The following ZNF469 variants were observed in gnomAD, a reference collection of about 807,000 sequenced individuals.
ZNF469 encodes zinc finger protein 469.
A neutral mutation model predicts 1.0 loss-of-function variants in ZNF469; 1 was observed. That is an observed-to-expected ratio of 1.00 (90% CI 0.35 to 4.73). The LOEUF (loss-of-function observed/expected upper bound fraction) is 4.73. Among genes scored for constraint, ZNF469 ranks in the 30% most tolerant of loss-of-function variants. The pLI is 0.16. For synonymous variants in ZNF469, 2,703 were observed against 2,363.4 expected, an observed-to-expected ratio of 1.14 and a Z score of -4.17; for missense variants, 6,100 against 5,356.3, an observed-to-expected ratio of 1.14 and a Z score of -4.33.
At chr16:88,200,885 GC>G in the ZNF469 span, among the ~76,000 whole-genome samples, 1 of 152,214 alleles carries the variant, frequency 6.6e-6, no homozygotes, top group African/African-American at 2.4e-5. Flanking sequence ...TCCTCCGGCC[GC>G]CCCCGGCTGC....
the ZNF469 span, among the ~76,000 whole-genome samples, chr16:88,133,935 A>C: frequency 6.6e-6 from 1 of 152,170 alleles, no homozygotes; most frequent in Non-Finnish European, 1.5e-5. Flanking sequence ...CTCTACTAAA[A>C]ATACAAAAAA....
Position 88,434,531 on chromosome 16 carries a change from C to T in ZNF469, c.7061C>T (p.Thr2354Met), listed in dbSNP as rs746820435. The T allele has an allele frequency of 1.7e-5, 26 of 1,550,346 alleles. No homozygotes were observed. Among genetic ancestry groups the T allele is most frequent in the Middle Eastern group, 1.7e-4 (1 of 5,992 alleles). The change falls in exon 3 of 3, where the codon ACG becomes ATG. Residue 2354 changes from threonine to methionine, a missense_variant. Physicochemically the swap from Thr to Met is moderately conservative, Grantham distance 81. Coordinates refer to ENST00000565624, the MANE Select transcript of ZNF469 (RefSeq NM_001367624.2). Reference protein sequence around the residue: ...AVTAVPTEPPTLQGAGPDSPA... With the variant: ...AVTAVPTEPPMLQGAGPDSPA... The stretch of plus-strand genomic sequence containing the variant: ...ACAGCTGTGCCCACTGAGCCTCCCA[C>T]GCTACAGGGTGCAGGGCCGGACTCC...
the ZNF469 span, among the ~76,000 whole-genome samples, chr16:88,188,228 AC>A: frequency 2.0e-5 from 3 of 151,626 alleles, no homozygotes; most frequent in African/African-American, 7.3e-5. Context: ...CTCCTGTGAC[AC>A]CCCAACACCT....
chr16:88,386,819 G>C (rs146279751), intron 1 of ZNF469, among the ~76,000 whole-genome samples: 45 of 152,300 alleles, frequency 3.0e-4, no homozygotes, highest in African/African-American at 9.9e-4. Flanking sequence ...GAAGGCAGTG[G>C]GTGGTTCCGT....
At chr16:88,365,176 A>G in the ZNF469 span, among the ~76,000 whole-genome samples, 3 of 152,252 alleles carry the variant, frequency 2.0e-5, no homozygotes, top group Non-Finnish European at 4.4e-5. Flanking sequence ...AATCTCGAGC[A>G]GACCTCCAGG....
Position 88,436,016 on chromosome 16 carries a change from C to A in ZNF469, c.8546C>A (p.Pro2849His), listed in dbSNP as rs1906545810. ...GCCTCTGGCTCCAGTGCCAAGGATC[C>A]TCCAAGCTTGTTTGATGATGAGGTC... ...PDASGSSAKD[P>H]PSLFDDEVSF... is the part of the protein sequence containing the mutation. Residue 2849 changes from proline to histidine, a missense_variant, in exon 3 of 3, where the codon CCT becomes CAT. Transcript: ENST00000565624. 4 of 1,550,292 alleles carry A rather than the reference C, an allele frequency of 2.6e-6. No individual in the cohort carries two copies. The highest frequency in any genetic ancestry group is 2.6e-6 in the Non-Finnish European group (3 of 1,146,988).
chr16:88,431,283 C>T lies in ZNF469; in HGVS notation c.3813C>T (p.Ser1271=), dbSNP rs1200177499. 8 of 1,550,186 alleles carry T rather than the reference C, an allele frequency of 5.2e-6. No individual in the cohort carries two copies. In the South Asian group the frequency reaches 8.3e-5, roughly 16 times the overall value. Residue 1271 remains serine (S), a synonymous_variant, in exon 3 of 3, where the codon AGC becomes AGT. Coordinates refer to ENST00000565624, the MANE Select transcript of ZNF469 (RefSeq NM_001367624.2). ...TGATACCAGAGCAGCCGCCGCCCAG[C>T]AGACATGACACCGGCACCCCCAAGC... ...GLLIPEQPPP[S]RHDTGTPKPS... is the part of the protein sequence containing the mutation.
chr16:88,161,119 C>T, the ZNF469 span, among the ~76,000 whole-genome samples: 1 of 151,624 alleles, frequency 6.6e-6, no homozygotes, highest in Admixed American at 6.6e-5. Flanking sequence ...CGAGATCGCG[C>T]CATTGCACTC....
the ZNF469 span, among the ~76,000 whole-genome samples, chr16:88,212,195 G>C: frequency 6.6e-6 from 1 of 151,898 alleles, no homozygotes; most frequent in East Asian, 1.9e-4. Context: ...ATGTCTAATA[G>C]TCTCACTGAG....
chr16:88,338,925 C>A, the ZNF469 span, among the ~76,000 whole-genome samples: 2 of 152,084 alleles, frequency 1.3e-5, no homozygotes, highest in African/African-American at 4.8e-5. Context: ...ATGGAGAGAA[C>A]ATTTGTCTCT....
intron 1 of ZNF469, among the ~76,000 whole-genome samples, chr16:88,423,089 G>C (rs1282315662): frequency 1.5e-5 from 2 of 135,098 alleles, no homozygotes; most frequent in Admixed American, 1.5e-4. Context: ...GATGGATGAT[G>C]ATGATGATGG....
the ZNF469 span, among the ~76,000 whole-genome samples, chr16:88,283,744 G>A: frequency 7.2e-5 from 11 of 152,312 alleles, no homozygotes; most frequent in African/African-American, 1.2e-4. Context: ...CTGTGAACGC[G>A]GAGGCTGGTA....
chr16:88,346,099 T>C, the ZNF469 span, among the ~76,000 whole-genome samples: 3 of 152,194 alleles, frequency 2.0e-5, no homozygotes, highest in African/African-American at 7.2e-5. Context: ...GCCGAGAGCA[T>C]TACAAAAGAA....
Position 88,439,275 on chromosome 16 carries a change from C to T in ZNF469, c.11805C>T (p.Leu3935=), listed in dbSNP as rs1336323928. Residue 3935 remains leucine (L), a synonymous_variant, in exon 3 of 3, where the codon CTC becomes CTT. Transcript: ENST00000565624. ...CCCAGAGTGACCTCCTCAGCCAGCT[C>T]TTCGGGCAGAGACTAACTGGCTTCA... The part of the protein sequence containing the change: ...AEAQSDLLSQ[L]FGQRLTGFKI... 6 of 1,550,484 alleles carry T rather than the reference C, an allele frequency of 3.9e-6. No homozygotes were observed. The highest frequency in any genetic ancestry group is 5.2e-6 in the Non-Finnish European group (6 of 1,147,006).
the ZNF469 span, among the ~76,000 whole-genome samples, chr16:88,230,757 G>A: frequency 6.6e-6 from 1 of 152,320 alleles, no homozygotes; most frequent in East Asian, 1.9e-4. Flanking sequence ...AACATGGAAC[G>A]TACCAAGGAG....
the ZNF469 span, among the ~76,000 whole-genome samples, chr16:88,308,820 G>A: frequency 2.6e-5 from 4 of 152,192 alleles, no homozygotes; most frequent in African/African-American, 4.8e-5. Context: ...GCAGAGCCAT[G>A]AGAACATGCC....
At chr16:88,240,153 C>G in the ZNF469 span, among the ~76,000 whole-genome samples, 830 of 152,054 alleles carry the variant, frequency 5.5e-3, 12 homozygotes, top group African/African-American at 0.019. Context: ...TCAAAGCCTG[C>G]TCTGTCCTGC....
At chr16:88,157,427 G>A in the ZNF469 span, among the ~76,000 whole-genome samples, 3 of 152,316 alleles carry the variant, frequency 2.0e-5, no homozygotes, top group East Asian at 3.9e-4. Flanking sequence ...GTGCAAAATT[G>A]CATGTGGACA....
intron 1 of ZNF469, among the ~76,000 whole-genome samples, chr16:88,385,311 C>A (rs1391504170): frequency 1.3e-5 from 2 of 151,956 alleles, no homozygotes; most frequent in African/African-American, 2.4e-5. Context: ...CAAGACAAGC[C>A]CCCTACCCTC....
Sources: allele counts gnomAD v4.1 joint callset (sites outside exome capture counted in the v4.1 genomes callset), GRCh38; gene constraint gnomAD v4.1.1; transcripts MANE v1.5; gene names NCBI Gene and HGNC (gene_info 2026-07-23, HGNC 2026-07-21).